The following CLHC1 variants were observed in gnomAD, a reference collection of about 807,000 sequenced individuals.
CLHC1 encodes clathrin heavy chain linker domain containing 1.
Under a neutral mutation model 69.5 loss-of-function variants are expected in CLHC1, and 72 were observed. The observed-to-expected ratio is 1.04, with a 90% CI of 0.86 to 1.26. The LOEUF (loss-of-function observed/expected upper bound fraction) is 1.26. Among genes scored for constraint, CLHC1 ranks in the 50% most tolerant of loss-of-function variants. The pLI is 0.00. For synonymous variants in CLHC1, 223 were observed against 224.3 expected (o/e 0.99, Z 0.05); for missense variants, 790 against 679.3 (o/e 1.16, Z -1.81).
rs1669243825 is a variant in CLHC1, at chr2:55,174,807, T to C, written c.*983A>G. 6.6e-6 allele frequency: 1 copy of C among 152,146 alleles called. No individual in the cohort carries two copies. The highest frequency in any genetic ancestry group is 1.5e-5 in the Non-Finnish European group (1 of 68,044). 9.4% of individuals were successfully genotyped at this position (152,146 alleles called of 1,614,324 possible). ...TCTTTTTTTAATAACAGAGACGGGATCTCACTGTGTTACCTAGCTGGTCTC... is the reference window on the plus strand; with the variant it reads ...TCTTTTTTTAATAACAGAGACGGGACCTCACTGTGTTACCTAGCTGGTCTC... On this transcript the variant is annotated 3_prime_UTR_variant, in exon 13 of 13. Transcript: ENST00000401408.
chr2:55,226,350 CCT>C (rs1423711088), intron 2 of CLHC1, among the ~76,000 whole-genome samples: 6 of 152,058 alleles, frequency 3.9e-5, no homozygotes, highest in African/African-American at 7.2e-5. Flanking sequence ...TAACTTTTTC[CCT>C]AATTACAGAA....
In CLHC1 at chr2:55,181,625, A is replaced by T; in HGVS notation, c.1126T>A (p.Cys376Ser). 6.2e-7 allele frequency: 1 copy of T among 1,613,632 alleles called. No homozygotes were observed. Residue 376 changes from cysteine (C) to serine (S), a missense_variant, in exon 10 of 13, where the codon TGT becomes AGT. Cys to Ser is a moderately radical substitution (Grantham distance 112). Transcript: ENST00000401408. ...DAALTLEGIK[C>S]GLSEKRLDLV... ...TCTAACCGTTTTTCTGATAATCCAC[A>T]TTTGATTCCTTCCAGGGTTAGAGCT...
intron 1 of CLHC1, among the ~76,000 whole-genome samples, chr2:55,229,457 T>G (rs10176839): frequency 6.6e-6 from 1 of 152,152 alleles, no homozygotes; most frequent in African/African-American, 2.4e-5. Context: ...GAGGAACAGC[T>G]AGAGGGCCCG....
chr2:55,198,396 A>G (rs1212222863), intron 9 of CLHC1, among the ~76,000 whole-genome samples: 1 of 152,064 alleles, frequency 6.6e-6, no homozygotes. Context: ...GACTGGCTGG[A>G]CCAACATGGC....
At chr2:55,224,462 A>G in intron 2 of CLHC1, 1 of 399,278 alleles carries the variant, frequency 2.5e-6, no homozygotes, top group Non-Finnish European at 5.2e-6. Flanking sequence ...CCTGGTCCTT[A>G]GCTGGCGCTG....
chr2:55,187,059 G>C (rs980535872), intron 9 of CLHC1, among the ~76,000 whole-genome samples: 3 of 148,490 alleles, frequency 2.0e-5, no homozygotes. Context: ...CTGAGGTCAG[G>C]AGTTTGAGAT....
chr2:55,191,521 A>C (rs1310272346), intron 9 of CLHC1, among the ~76,000 whole-genome samples: 1 of 152,222 alleles, frequency 6.6e-6, no homozygotes, highest in Non-Finnish European at 1.5e-5. Flanking sequence ...GGCGTGAGCC[A>C]CTGCGCCCAG....
chr2:55,217,135 C>T (rs1457802876), intron 4 of CLHC1, among the ~76,000 whole-genome samples: 2 of 152,016 alleles, frequency 1.3e-5, no homozygotes, highest in Non-Finnish European at 2.9e-5. Context: ...GCAGAGGTGG[C>T]AGTGGGCCAA....
chr2:55,218,926 T>C (rs1673846048), intron 3 of CLHC1, among the ~76,000 whole-genome samples: 1 of 152,168 alleles, frequency 6.6e-6, no homozygotes. Flanking sequence ...TATCCCCCAC[T>C]GGCTTTCTTT....
intron 9 of CLHC1, among the ~76,000 whole-genome samples, chr2:55,186,902 G>A (rs544253112): frequency 1.3e-5 from 2 of 152,066 alleles, no homozygotes; most frequent in South Asian, 4.1e-4. Flanking sequence ...TGATCATTGA[G>A]GTGGCACTAC....
intron 9 of CLHC1, among the ~76,000 whole-genome samples, chr2:55,204,352 TATGA>T (rs1278254551): frequency 6.6e-6 from 1 of 152,156 alleles, no homozygotes; most frequent in Non-Finnish European, 1.5e-5. Context: ...CAACCAGGCA[TATGA>T]AAATGTGCTC....
chr2:55,180,319 T>A (rs1669803625), intron 11 of CLHC1, among the ~76,000 whole-genome samples, 191 bp downstream of exon 11: 1 of 152,176 alleles, frequency 6.6e-6, no homozygotes, highest in African/African-American at 2.4e-5. Context: ...TATTTTTGAA[T>A]ATCCAGCATG....
At chr2:55,218,031 T>G in intron 3 of CLHC1, 33 bp from the exon 4 acceptor site, 1 of 1,209,252 alleles carries the variant, frequency 8.3e-7, no homozygotes, top group South Asian at 2.3e-5. Flanking sequence ...ATGGTATTGA[T>G]TTTTTTTCTA....
chr2:55,231,761 G>C (rs1160999485), intron 1 of CLHC1: 2 of 152,220 alleles, frequency 1.3e-5, no homozygotes, highest in Non-Finnish European at 2.9e-5. Context: ...TCAGATCCAA[G>C]ACTCCCAATG....
At position 55,181,697 on chromosome 2, in the gene CLHC1, C is replaced by A. The variant is rs749261381; in HGVS notation, c.1054G>T (p.Glu352Ter). The part of the protein sequence containing the change: ...GKPLPLLLFF[E>*]ALFITSHAFP... ...GCATGACTTGTGATAAAGAGGGCCT[C>A]AAAAAATAAGAGTAATGGAAGAGGC... The change falls in exon 10 of 13, where the codon GAG becomes TAG. Residue 352 changes from glutamate to a stop codon, truncating the protein, a stop_gained. Coordinates refer to ENST00000401408, the MANE Select transcript of CLHC1 (RefSeq NM_152385.4). LOFTEE classifies it high-confidence loss of function. 3.1e-6 allele frequency: 5 copies of A among 1,613,414 alleles called. No individual in the cohort carries two copies. Among genetic ancestry groups the A allele is most frequent in the South Asian group, 1.1e-5 (1 of 90,984 alleles).
chr2:55,210,078 TA>T (rs1270010178), intron 5 of CLHC1, among the ~76,000 whole-genome samples: 2 of 152,210 alleles, frequency 1.3e-5, no homozygotes, highest in African/African-American at 4.8e-5. Context: ...AGGCTAGTCT[TA>T]AAACTCCTGG....
rs549005635 is a variant in CLHC1 at position 55,220,211 on chromosome 2, A to G, written c.177+2024T>C. Among the ~76,000 whole-genome samples the G allele has an allele frequency of 4.6e-5, 7 of 152,242 alleles. 1 individual carries two copies. The highest frequency in any genetic ancestry group is 1.7e-4 in the African/African-American group (7 of 41,530). On this transcript the variant is annotated intron_variant, in intron 3 of 12. Coordinates refer to ENST00000401408, the MANE Select transcript of CLHC1 (RefSeq NM_152385.4). ...AAACCATCTATCTTTGATTTTAAAC[A>G]CAATTTGGTATTTGTTCCCTAGTTC... is the stretch of plus-strand genomic sequence containing the variant.
At chr2:55,228,934 G>C (rs1674979165) in intron 1 of CLHC1, among the ~76,000 whole-genome samples, 1 of 152,130 alleles carries the variant, frequency 6.6e-6, no homozygotes, top group Admixed American at 6.5e-5. Context: ...TGGATCACTT[G>C]AGGTTAGGAG....
chr2:55,222,455 T>G lies in CLHC1; in HGVS notation c.-44A>C, dbSNP rs372967964. Reference sequence around the variant, plus strand: ...TTGTTCACTGAAGAACAGCTAAATCTTGACCTGCTCTTGCAACAAAGCCAA... The same window carrying G: ...TTGTTCACTGAAGAACAGCTAAATCGTGACCTGCTCTTGCAACAAAGCCAA... On this transcript the variant is annotated 5_prime_UTR_variant, in exon 3 of 13. Transcript: ENST00000401408. 1 of 1,504,478 alleles carries G rather than the reference T, an allele frequency of 6.6e-7. No homozygotes were observed. Among genetic ancestry groups the G allele is most frequent in the African/African-American group, 1.4e-5 (1 of 71,654 alleles). 93.2% of individuals were successfully genotyped at this position (1,504,478 alleles called of 1,614,324 possible).
Sources: allele counts gnomAD v4.1 joint callset (sites outside exome capture counted in the v4.1 genomes callset), GRCh38; gene constraint gnomAD v4.1.1; transcripts MANE v1.5; gene names NCBI Gene and HGNC (gene_info 2026-07-23, HGNC 2026-07-21).